Variants in NUP58 observed in about 807,000 individuals in gnomAD.
The protein encoded by NUP58 is nucleoporin 58.
NUP58 carries 17 observed loss-of-function variants against 70.1 expected under a neutral mutation model. That is an observed-to-expected ratio of 0.24 (90% confidence interval 0.17 to 0.36). The LOEUF (loss-of-function observed/expected upper bound fraction) is 0.36, where lower values mean the gene tolerates loss of function less well. Ranked by LOEUF, NUP58 falls within the 10% of genes least tolerant of loss-of-function variation. The pLI is 1.00. For synonymous variants in NUP58, 275 were observed against 257.6 expected (o/e 1.07, Z -0.65); for missense variants, 644 against 701.5 (o/e 0.92, Z 0.93).
downstream of NUP58, among the ~76,000 whole-genome samples, chr13:25,347,295 T>C (rs959970503): frequency 2.0e-5 from 3 of 152,162 alleles, no homozygotes; most frequent in African/African-American, 7.2e-5. Context: ...ATACCTTTCC[T>C]TTCAGGAGTA....
intron 7 of NUP58, among the ~76,000 whole-genome samples, chr13:25,319,662 AACTTT>A (rs1377806699): frequency 6.6e-6 from 1 of 152,038 alleles, no homozygotes; most frequent in Non-Finnish European, 1.5e-5. Context: ...CAACTCATGG[AACTTT>A]ACTTTTGGAG....
chr13:25,315,602 G>T (rs1200560911), intron 6 of NUP58, 135 bp downstream of exon 6: 2 of 613,004 alleles, frequency 3.3e-6, no homozygotes, highest in Admixed American at 3.1e-5. Context: ...ATGTGTATAC[G>T]AATATGTATT....
At chr13:25,347,635 T>C (rs904662656) in intron 3 of NUP58, among the ~76,000 whole-genome samples, 2 of 152,250 alleles carry the variant, frequency 1.3e-5, no homozygotes, top group Non-Finnish European at 2.9e-5. Flanking sequence ...ATCTAAAAGA[T>C]GTTTTTAAAA....
intron 1 of NUP58, among the ~76,000 whole-genome samples, chr13:25,303,782 A>G (rs1328541115): frequency 6.6e-6 from 1 of 152,252 alleles, no homozygotes. Flanking sequence ...CCTGAGGGCA[A>G]GGTCTGAGTC....
At chr13:25,347,559 A>G (rs1432808553) in intron 3 of NUP58, among the ~76,000 whole-genome samples, 1 of 152,180 alleles carries the variant, frequency 6.6e-6, no homozygotes, top group Non-Finnish European at 1.5e-5. Flanking sequence ...CAGTGCTCCA[A>G]CGTTTTCACA....
At chr13:25,345,270 A>G (rs760247209), downstream of NUP58, among the ~76,000 whole-genome samples, 1 of 152,142 alleles carries the variant, frequency 6.6e-6, no homozygotes, top group African/African-American at 2.4e-5. Flanking sequence ...TCCAAAGCAC[A>G]ATATTTTACT....
intron 13 of NUP58, chr13:25,335,961 A>G: frequency 6.7e-6 from 7 of 1,038,116 alleles, no homozygotes; most frequent in Non-Finnish European, 7.1e-6. Context: ...AGATTTTTGT[A>G]TTCTGCTTAG....
At chr13:25,333,132 G>C in intron 13 of NUP58, 1 of 985,290 alleles carries the variant, frequency 1.0e-6, no homozygotes, top group Non-Finnish European at 1.2e-6. Flanking sequence ...GTTTGTGTGT[G>C]TGTGTGTGTT....
intron 2 of NUP58, 153 bp downstream of exon 2, chr13:25,308,101 T>A: frequency 1.3e-6 from 1 of 759,222 alleles, no homozygotes; most frequent in East Asian, 2.7e-5. Flanking sequence ...GAATTGGAAT[T>A]AAGGGCTAGT....
At chr13:25,309,336 A>G (rs1396956549) in intron 3 of NUP58, 54 bp downstream of exon 3, 4 of 1,317,998 alleles carry the variant, frequency 3.0e-6, no homozygotes, top group Non-Finnish European at 4.3e-6. Flanking sequence ...TAATTTTAAT[A>G]AATTGAGTGA....
In NUP58 at chr13:25,301,783, G is replaced by A; in HGVS notation, c.10G>A (p.Gly4Arg). The change falls in exon 1 of 16, where the codon GGG becomes AGG. Residue 4 changes from glycine to arginine, a missense_variant. By Grantham distance (125) the Gly-to-Arg change is moderately radical (BLOSUM62 -2). This residue lies in a region of NUP58 where 430 missense variants were observed against 409.2 expected (regional missense o/e 1.05). Coordinates refer to ENST00000381736, the MANE Select transcript of NUP58 (RefSeq NM_014089.4). ...CGAGCCCTGGCCAGACATGTCCACA[G>A]GGTTCTCCTTCGGGTCCGGGACTCT... The part of the protein sequence containing the change: MST[G>R]FSFGSGTLGS... The A allele has an allele frequency of 2.5e-6, 4 of 1,612,716 alleles. No individual in the cohort carries two copies. Among genetic ancestry groups the A allele is most frequent in the Non-Finnish European group, 3.4e-6 (4 of 1,179,332 alleles).
At chr13:25,329,388 C>G (rs1043685504) in intron 12 of NUP58, among the ~76,000 whole-genome samples, 1 of 152,122 alleles carries the variant, frequency 6.6e-6, no homozygotes, top group African/African-American at 2.4e-5. Flanking sequence ...TTTAGCAGCA[C>G]TGTCTCCTCT....
chr13:25,336,993 C>A lies in NUP58; in HGVS notation c.1493C>A (p.Thr498Asn). ...ACGCCATTCGGCTCAGGTATTGGCA[C>A]TGGCTTGCAATCAAGTGGCTTAGGT... ...FGTPFGSGIG[T>N]GLQSSGLGSS... The change falls in exon 14 of 16, where the codon ACT (threonine) becomes AAT (asparagine). Residue 498 changes from threonine to asparagine, a missense_variant. Physicochemically the swap from Thr to Asn is moderately conservative, Grantham distance 65. Transcript: ENST00000381736. The A allele has an allele frequency of 6.2e-7, 1 of 1,609,020 alleles. No homozygotes were observed. Among genetic ancestry groups the A allele is most frequent in the Middle Eastern group, 1.7e-4 (1 of 6,040 alleles).
intron 10 of NUP58, 49 bp from the exon 11 acceptor site, chr13:25,326,867 C>T (rs370598345): frequency 4.8e-6 from 5 of 1,052,622 alleles, no homozygotes; most frequent in Non-Finnish European, 7.1e-6. Context: ...GGATTTGTCA[C>T]TCCAAATTAA....
chr13:25,336,291 G>A (rs1229050609), intron 13 of NUP58: 3 of 1,327,270 alleles, frequency 2.3e-6, no homozygotes, highest in South Asian at 2.3e-5. Flanking sequence ...GAATTGTCAT[G>A]TTACTGTGTA....
chr13:25,303,709 GT>G (rs750319174), intron 1 of NUP58, among the ~76,000 whole-genome samples: 17 of 152,082 alleles, frequency 1.1e-4, no homozygotes, highest in Non-Finnish European at 2.4e-4. Flanking sequence ...TTGTTAACTT[GT>G]TTGTTGTCAG....
chr13:25,317,733 A>G (rs2030997158), intron 6 of NUP58: 1 of 152,034 alleles, frequency 6.6e-6, no homozygotes. Flanking sequence ...GATACTAAAT[A>G]TGAAAGAAAA....
intron 9 of NUP58, among the ~76,000 whole-genome samples, chr13:25,321,334 A>G (rs1250396640): frequency 1.3e-5 from 2 of 152,178 alleles, no homozygotes; most frequent in African/African-American, 4.8e-5. Flanking sequence ...AAAAGACCCA[A>G]CAAGGTAGGA....
chr13:25,302,849 C>T (rs1351478278), intron 1 of NUP58: 3 of 409,566 alleles, frequency 7.3e-6, no homozygotes, highest in Admixed American at 6.0e-5. Flanking sequence ...TCCATACCTC[C>T]GTTATTCTTA....
Sources: allele counts gnomAD v4.1 joint callset (sites outside exome capture counted in the v4.1 genomes callset), GRCh38; gene constraint gnomAD v4.1.1; regional missense constraint gnomAD v4.1.1; transcripts MANE v1.5; gene names NCBI Gene and HGNC (gene_info 2026-07-23, HGNC 2026-07-21).